RASA1: variants seen among roughly 807,000 people sequenced by gnomAD.
RASA1 encodes the protein RAS p21 protein activator 1, also known as ras GTPase-activating protein 1.
Under a neutral mutation model 132.2 loss-of-function variants are expected in RASA1, and 25 were observed. The ratio of observed to expected loss-of-function variants is 0.19; its 90% CI spans 0.14 to 0.26. The LOEUF (loss-of-function observed/expected upper bound fraction) is 0.26, where lower values mean the gene tolerates loss of function less well. Ranked by LOEUF, RASA1 falls within the 10% of genes least tolerant of loss-of-function variation. RASA1 has a pLI of 1.00. For synonymous variants in RASA1, 477 were observed against 449.9 expected (o/e 1.06, Z -0.76); for missense variants, 964 against 1,299.2 (o/e 0.74, Z 3.97).
At chr5:87,341,938 A>G (rs1758499944) in intron 6 of RASA1, among the ~76,000 whole-genome samples, 1 of 152,100 alleles carries the variant, frequency 6.6e-6, no homozygotes, top group Non-Finnish European at 1.5e-5. Context: ...TCTAACCATT[A>G]GAATATAAAA....
At chr5:87,363,676 C>A (rs1466783771) in intron 11 of RASA1, among the ~76,000 whole-genome samples, 172 bp downstream of exon 11, 1 of 152,026 alleles carries the variant, frequency 6.6e-6, no homozygotes, top group African/African-American at 2.4e-5. Flanking sequence ...TACATAAAGT[C>A]TACTTCATTG....
chr5:87,325,762 T>A (rs1301029139), intron 1 of RASA1, among the ~76,000 whole-genome samples: 4 of 152,250 alleles, frequency 2.6e-5, no homozygotes, highest in Non-Finnish European at 5.9e-5. Flanking sequence ...TTTTCTGTTG[T>A]GTAGTAGACA....
rs189394398 is a variant in RASA1 at position 87,324,947 on chromosome 5, T to A, written c.540-6401T>A. Among the ~76,000 whole-genome samples, 898 of 152,322 alleles carry A rather than the reference T, an allele frequency of 5.9e-3. 8 individuals carry two copies. Among genetic ancestry groups the A allele is most frequent in the Middle Eastern group, 0.02 (6 of 294 alleles). Reference sequence around the variant, plus strand: ...CACTTTAAGAAATCAGTTGCTTTTTTAATTTTTTTATTTTTTTTTAACCTT... The same window carrying A: ...CACTTTAAGAAATCAGTTGCTTTTTAAATTTTTTTATTTTTTTTTAACCTT... On this transcript the variant is annotated intron_variant, in intron 1 of 24. Coordinates refer to ENST00000274376, the MANE Select transcript of RASA1 (RefSeq NM_002890.3).
intron 1 of RASA1, among the ~76,000 whole-genome samples, chr5:87,292,861 T>G (rs892721849): frequency 6.6e-6 from 1 of 152,156 alleles, no homozygotes; most frequent in African/African-American, 2.4e-5. Context: ...CCTGTACATA[T>G]TTTGTTAGAA....
At chr5:87,387,425 G>A (rs536860259) in intron 23 of RASA1, among the ~76,000 whole-genome samples, 23 of 152,108 alleles carry the variant, frequency 1.5e-4, no homozygotes, top group Non-Finnish European at 2.6e-4. Context: ...ACAAAATTAC[G>A]AATGAGGGTA....
intron 2 of RASA1, among the ~76,000 whole-genome samples, chr5:87,332,095 A>ATG (rs762284573): frequency 1.3e-5 from 2 of 152,158 alleles, no homozygotes; most frequent in South Asian, 4.1e-4. Context: ...CAGTAGTACC[A>ATG]TGATACCACA....
At chr5:87,283,410 G>A (rs1354135223) in intron 1 of RASA1, among the ~76,000 whole-genome samples, 2 of 151,572 alleles carry the variant, frequency 1.3e-5, no homozygotes, top group African/African-American at 4.8e-5. Context: ...GGTGAGTTTT[G>A]ATTGTATGTT....
chr5:87,271,629 C>T (rs1271466992), intron 1 of RASA1, among the ~76,000 whole-genome samples: 1 of 151,142 alleles, frequency 6.6e-6, no homozygotes, highest in East Asian at 2.0e-4. Context: ...ATTACAGGTG[C>T]CCGCAACCAG....
At chr5:87,388,546 T>C (rs1762229731) in intron 23 of RASA1, among the ~76,000 whole-genome samples, 2 of 152,116 alleles carry the variant, frequency 1.3e-5, no homozygotes, top group Admixed American at 1.3e-4. Context: ...TATTCCAAAA[T>C]CCGAAACACT....
rs757811116 is a variant in RASA1 at position 87,349,372 on chromosome 5, A to C, written c.1253+8A>C. The C allele has an allele frequency of 6.2e-7, 1 of 1,611,040 alleles. No individual in the cohort carries two copies. The highest frequency in any genetic ancestry group is 8.5e-7 in the Non-Finnish European group (1 of 1,178,014). Reference sequence around the variant, plus strand: ...AGGCCGGTATTATAACAGGTAAATCATAATTTTTTAGCTATCTTTTACTTT... The same window carrying C: ...AGGCCGGTATTATAACAGGTAAATCCTAATTTTTTAGCTATCTTTTACTTT... On this transcript the variant is annotated splice_region_variant and intron_variant, in intron 8 of 24. Coordinates refer to ENST00000274376, the MANE Select transcript of RASA1 (RefSeq NM_002890.3).
chr5:87,308,521 A>G (rs1246707365), intron 1 of RASA1, among the ~76,000 whole-genome samples: 1 of 152,274 alleles, frequency 6.6e-6, no homozygotes, highest in Middle Eastern at 3.4e-3. Flanking sequence ...TTATTAAAAA[A>G]CAAAATAATG....
Position 87,268,926 on chromosome 5 carries a change from C to T in RASA1, c.475C>T (p.Leu159=). 1 of 1,614,204 alleles carries T rather than the reference C, an allele frequency of 6.2e-7. No individual in the cohort carries two copies. The highest frequency in any genetic ancestry group is 1.3e-5 in the African/African-American group (1 of 75,060). The change falls in exon 1 of 25, where the codon CTG becomes TTG. Residue 159 remains leucine, a synonymous_variant. Transcript: ENST00000274376. ...CGGGACAGTGGACGAAGGTGACTCT[C>T]TGGATGGACCAGAATACGAGGAGGA... ...GLGTVDEGDS[L]DGPEYEEEEV...
At position 87,281,793 on chromosome 5, in the gene RASA1, A is replaced by G. The variant is rs199851366; in HGVS notation, c.539+12803A>G. ...ATGGGGTTTCACCATGTTGGCCAGG[A>G]TGGTCTTGAACTCCTGACCTCAAGT... is the stretch of plus-strand genomic sequence containing the variant. On this transcript the variant is annotated intron_variant, in intron 1 of 24. Coordinates refer to ENST00000274376, the MANE Select transcript of RASA1 (RefSeq NM_002890.3). Among the ~76,000 whole-genome samples the G allele has an allele frequency of 7.6e-4, 115 of 151,960 alleles. 1 individual carries two copies. In the East Asian group the frequency reaches 0.017, roughly 23 times the overall value.
At chr5:87,378,222 G>C (rs563990762) in intron 17 of RASA1, among the ~76,000 whole-genome samples, 174 bp from the exon 18 acceptor site, 1 of 152,170 alleles carries the variant, frequency 6.6e-6, no homozygotes, top group Non-Finnish European at 1.5e-5. Context: ...GTCTTACAGA[G>C]TTAAGTCTGT....
chr5:87,371,161 C>A (rs1301109188), intron 12 of RASA1, among the ~76,000 whole-genome samples: 2 of 151,998 alleles, frequency 1.3e-5, no homozygotes, highest in Non-Finnish European at 2.9e-5. Flanking sequence ...GCATGTTTTG[C>A]AAGCCTAACA....
Position 87,268,430 on chromosome 5 carries a change from GC to G in RASA1, c.-21del. 6.5e-7 allele frequency: 1 copy of G among 1,532,234 alleles called. No individual in the cohort carries two copies. Among genetic ancestry groups the G allele is most frequent in the Non-Finnish European group, 8.8e-7 (1 of 1,137,378 alleles). 94.9% of individuals were successfully genotyped at this position (1,532,234 alleles called of 1,614,324 possible). A position where few individuals can be genotyped will look rare whatever the true frequency, so the allele number is the denominator to read the frequency against. On this transcript the variant is annotated 5_prime_UTR_variant, in exon 1 of 25. Coordinates refer to ENST00000274376, the MANE Select transcript of RASA1 (RefSeq NM_002890.3). The stretch of plus-strand genomic sequence containing the variant: ...GGGGCTCCCGGGCGGGCAGGGTAGG[GC>G]AGAGTAGAGCGGGCTTCAACATGAT...
At chr5:87,370,820 A>G (rs1371249506) in intron 12 of RASA1, among the ~76,000 whole-genome samples, 1 of 152,152 alleles carries the variant, frequency 6.6e-6, no homozygotes. Context: ...TGCCAACCCT[A>G]GATATGAGGA....
chr5:87,360,278 C>T (rs947823733), intron 9 of RASA1, among the ~76,000 whole-genome samples: 3 of 152,104 alleles, frequency 2.0e-5, no homozygotes, highest in African/African-American at 7.2e-5. Flanking sequence ...AGGCACGCGC[C>T]ACCACGCCCA....
At chr5:87,287,919 CCATATATACACACACCATATATATATAA>C (rs1454233976) in intron 1 of RASA1, among the ~76,000 whole-genome samples, 1 of 134,630 alleles carries the variant, frequency 7.4e-6, no homozygotes, top group African/African-American at 2.8e-5. Flanking sequence ...CATATATATA[CCATATATACACACACCATATATATATAA>C]CATATATATA....
Sources: allele counts gnomAD v4.1 joint callset (sites outside exome capture counted in the v4.1 genomes callset), GRCh38; gene constraint gnomAD v4.1.1; transcripts MANE v1.5; gene names NCBI Gene and HGNC (gene_info 2026-07-23, HGNC 2026-07-21).